THSD7B: variants seen among roughly 807,000 people sequenced by gnomAD.
The protein encoded by THSD7B is thrombospondin type-1 domain-containing protein 7B.
In THSD7B, 138 loss-of-function variants were observed where a neutral mutation model predicts 213.6. That is an observed-to-expected ratio of 0.65 (90% confidence interval 0.56 to 0.74). The LOEUF (loss-of-function observed/expected upper bound fraction) is 0.74. Among genes scored for constraint, THSD7B ranks in the 30% least tolerant of loss-of-function variants. The pLI is 0.00. For missense variants in THSD7B, 1,931 were observed against 1,991.5 expected, an observed-to-expected ratio of 0.97 and a Z score of 0.58; for synonymous variants, 742 against 687.0, an observed-to-expected ratio of 1.08 and a Z score of -1.25.
chr2:137,075,418 C>A (rs953369177), intron 3 of THSD7B, among the ~76,000 whole-genome samples: 2 of 152,172 alleles, frequency 1.3e-5, no homozygotes, highest in Non-Finnish European at 2.9e-5. Context: ...AGCTCTCGTG[C>A]CTTGGTTTTC....
At chr2:137,038,198 G>A (rs1686812265) in intron 2 of THSD7B, among the ~76,000 whole-genome samples, 2 of 152,140 alleles carry the variant, frequency 1.3e-5, no homozygotes, top group South Asian at 4.2e-4. Context: ...TTACAAGAAT[G>A]TTTCATGGTT....
chr2:137,649,984 C>T (rs1288944996), intron 21 of THSD7B, among the ~76,000 whole-genome samples: 3 of 151,802 alleles, frequency 2.0e-5, no homozygotes, highest in African/African-American at 7.3e-5. Flanking sequence ...TGTCTCTCAT[C>T]CCAGATACTC....
chr2:137,369,355 G>A (rs1016469019), intron 12 of THSD7B, among the ~76,000 whole-genome samples: 9 of 152,010 alleles, frequency 5.9e-5, no homozygotes, highest in African/African-American at 2.2e-4. Context: ...GGCATTATTT[G>A]CTTTAGCAGG....
chr2:137,661,386 G>C (rs1683339779), intron 25 of THSD7B, among the ~76,000 whole-genome samples: 1 of 152,054 alleles, frequency 6.6e-6, no homozygotes, highest in African/African-American at 2.4e-5. Context: ...GAGTAACTCA[G>C]ATAGGCATAG....
intron 1 of THSD7B, among the ~76,000 whole-genome samples, chr2:136,826,971 C>T (rs1385468183): frequency 6.6e-6 from 1 of 152,190 alleles, no homozygotes; most frequent in Non-Finnish European, 1.5e-5. Flanking sequence ...GAGTTTCTGA[C>T]TTCTCTTACC....
chr2:137,592,507 T>C (rs530632975), intron 17 of THSD7B, among the ~76,000 whole-genome samples: 1 of 152,054 alleles, frequency 6.6e-6, no homozygotes, highest in African/African-American at 2.4e-5. Flanking sequence ...AATTTCTGTA[T>C]ACTTCATTAT....
chr2:136,972,807 G>A (rs1685424917), intron 2 of THSD7B, among the ~76,000 whole-genome samples: 1 of 152,208 alleles, frequency 6.6e-6, no homozygotes, highest in South Asian at 2.1e-4. Flanking sequence ...CTCAGTGCTT[G>A]GACTGTACCC....
intron 3 of THSD7B, among the ~76,000 whole-genome samples, chr2:137,088,442 C>G (rs1334141198): frequency 1.3e-5 from 2 of 151,774 alleles, no homozygotes; most frequent in African/African-American, 4.8e-5. Context: ...GAGAAAGAAA[C>G]TGGATCCTCA....
chr2:136,984,098 C>T (rs1388006860), intron 2 of THSD7B, among the ~76,000 whole-genome samples: 1 of 152,122 alleles, frequency 6.6e-6, no homozygotes, highest in Admixed American at 6.5e-5. Flanking sequence ...GGATAAGCAC[C>T]AACAAGGGAA....
In THSD7B at chr2:137,657,136, C is replaced by T. The variant is rs1164116834; in HGVS notation, c.4351C>T (p.Arg1451Cys). Reference sequence around the variant, plus strand: ...TAACGAACGAACTGTATGGTGCCAGCGTTCAGATGGCGTTAATGTCACAGG... The same window carrying T: ...TAACGAACGAACTGTATGGTGCCAGTGTTCAGATGGCGTTAATGTCACAGG... The part of the protein sequence containing the change: ...NNNERTVWCQ[R>C]SDGVNVTGGC... Residue 1451 changes from arginine (R) to cysteine (C), a missense_variant, in exon 24 of 28, where the codon CGT becomes TGT. Coordinates refer to ENST00000409968, the MANE Select transcript of THSD7B (RefSeq NM_001316349.2). 1.2e-6 allele frequency: 2 copies of T among 1,613,816 alleles called. No homozygotes were observed. The highest frequency in any genetic ancestry group is 1.3e-5 in the African/African-American group (1 of 74,896).
At chr2:137,256,694 T>C (rs936498993) in intron 10 of THSD7B, among the ~76,000 whole-genome samples, 11 of 152,154 alleles carry the variant, frequency 7.2e-5, no homozygotes, top group African/African-American at 2.4e-4. Flanking sequence ...ATTTATGTTT[T>C]AGAAAAAGAA....
At chr2:137,548,244 T>TA (rs1680778710) in intron 15 of THSD7B, among the ~76,000 whole-genome samples, 1 of 152,000 alleles carries the variant, frequency 6.6e-6, no homozygotes, top group Non-Finnish European at 1.5e-5. Flanking sequence ...GAAACTTGAA[T>TA]GTGTTCCTAA....
At chr2:137,513,291 C>A (rs78352058) in intron 15 of THSD7B, among the ~76,000 whole-genome samples, 1 of 151,978 alleles carries the variant, frequency 6.6e-6, no homozygotes, top group Non-Finnish European at 1.5e-5. Context: ...AGTTTTACTG[C>A]GACACATATC....
At chr2:137,102,634 A>G (rs960553780) in intron 4 of THSD7B, among the ~76,000 whole-genome samples, 2 of 152,136 alleles carry the variant, frequency 1.3e-5, no homozygotes, top group African/African-American at 4.8e-5. Context: ...GGAAGCTAAG[A>G]ACCTAAAAGT....
chr2:137,166,830 T>C (rs963138898), intron 6 of THSD7B, among the ~76,000 whole-genome samples: 1 of 152,160 alleles, frequency 6.6e-6, no homozygotes, highest in Non-Finnish European at 1.5e-5. Flanking sequence ...TGCTAAGAGA[T>C]AGTTGTTTCT....
chr2:137,115,842 G>C (rs1688439550), intron 5 of THSD7B, among the ~76,000 whole-genome samples: 1 of 152,160 alleles, frequency 6.6e-6, no homozygotes, highest in Non-Finnish European at 1.5e-5. Context: ...GTTTGTTTCA[G>C]AGTGTGGATA....
intron 17 of THSD7B, among the ~76,000 whole-genome samples, chr2:137,588,242 C>T (rs957943759): frequency 6.6e-6 from 1 of 152,148 alleles, no homozygotes; most frequent in Non-Finnish European, 1.5e-5. Context: ...CACAGATTCC[C>T]TTGGCTAGGA....
At chr2:136,794,263 A>AT (rs555068876) in intron 1 of THSD7B, among the ~76,000 whole-genome samples, 22 of 151,252 alleles carry the variant, frequency 1.5e-4, no homozygotes, top group Admixed American at 4.0e-4. Flanking sequence ...TAAATTTCAA[A>AT]TTTTTTTTAT....
At chr2:137,665,972 A>G (rs2104825729) in intron 26 of THSD7B, among the ~76,000 whole-genome samples, 1 of 152,310 alleles carries the variant, frequency 6.6e-6, no homozygotes, top group Non-Finnish European at 1.5e-5. Context: ...GCTTGCATAT[A>G]CAGAGAAAAA....
Sources: gnomAD v4.1 joint callset for allele counts (sites outside exome capture counted in the v4.1 genomes callset) on GRCh38, gnomAD v4.1.1 for gene constraint, MANE v1.5 for transcripts, NCBI Gene and HGNC (gene_info 2026-07-23, HGNC 2026-07-21) for gene names.